Variants in FMN2 observed in about 807,000 individuals in gnomAD.
FMN2 encodes the protein formin 2.
Under a neutral mutation model 142.3 loss-of-function variants are expected in FMN2, and 51 were observed. That is an observed-to-expected ratio of 0.36 (90% confidence interval 0.29 to 0.45). The LOEUF (loss-of-function observed/expected upper bound fraction) is 0.45. Among genes scored for constraint, FMN2 ranks in the 20% least tolerant of loss-of-function variants. FMN2 has a pLI of 1.00. For synonymous variants in FMN2, 882 were observed against 869.8 expected (o/e 1.01, Z -0.25); for missense variants, 1,936 against 2,122.8 (o/e 0.91, Z 1.73).
intron 3 of FMN2, among the ~76,000 whole-genome samples, chr1:240,187,290 A>AG (rs1665514680): frequency 7.0e-6 from 1 of 142,408 alleles, no homozygotes; most frequent in East Asian, 2.0e-4. Flanking sequence ...AAAAAAAAAA[A>AG]AGAAAAGAAA....
chr1:240,114,656 C>CTTTTTT (rs1219188121), intron 1 of FMN2, among the ~76,000 whole-genome samples: 3 of 137,694 alleles, frequency 2.2e-5, no homozygotes, highest in African/African-American at 5.6e-5. Context: ...TATATCATTT[C>CTTTTTT]TTTTTTTTTT....
At chr1:240,210,539 C>G (rs1424755452) in intron 5 of FMN2, among the ~76,000 whole-genome samples, 1 of 152,132 alleles carries the variant, frequency 6.6e-6, no homozygotes, top group African/African-American at 2.4e-5. Context: ...AAGTCATTTT[C>G]TCTAGATATG....
intron 13 of FMN2, among the ~76,000 whole-genome samples, chr1:240,348,991 G>A (rs772994336): frequency 6.6e-6 from 1 of 152,164 alleles, no homozygotes; most frequent in Non-Finnish European, 1.5e-5. Flanking sequence ...TGATTTGATG[G>A]TGCAGACTTA....
At chr1:240,122,379 G>C (rs961003239) in intron 1 of FMN2, among the ~76,000 whole-genome samples, 1 of 152,020 alleles carries the variant, frequency 6.6e-6, no homozygotes, top group Non-Finnish European at 1.5e-5. Flanking sequence ...CGCCACCCAG[G>C]TTCAAGCAAT....
intron 1 of FMN2, among the ~76,000 whole-genome samples, chr1:240,111,825 A>G (rs1270084505): frequency 6.6e-6 from 1 of 152,082 alleles, no homozygotes; most frequent in African/African-American, 2.4e-5. Context: ...CGGGATTGAG[A>G]TCCAGGAAGT....
intron 16 of FMN2, chr1:240,458,542 A>G (rs1481297306): frequency 6.6e-6 from 1 of 152,244 alleles, no homozygotes; most frequent in African/African-American, 2.4e-5. Context: ...CAGAAACTAC[A>G]GTGTTGTTAG....
chr1:240,092,978 C>A lies in FMN2; in HGVS notation c.869C>A (p.Pro290His). The stretch of plus-strand genomic sequence containing the variant: ...AGCCTGGCCGCCGAGCCCCGGGAGC[C>A]CCAGCAACCGCCGTCCCCCGGCGGC... ...PESLAAEPREPQQPPSPGGLP... is the reference protein window; with the variant it reads ...PESLAAEPREHQQPPSPGGLP... Residue 290 changes from proline (P) to histidine (H), a missense_variant, in exon 1 of 18, where the codon CCC becomes CAC. Physicochemically the swap from Pro to His is moderately conservative, Grantham distance 77. This residue lies in a region of FMN2 where 751 missense variants were observed against 791.8 expected (regional missense o/e 0.95). Transcript: ENST00000319653. 1 of 1,408,210 alleles carries A rather than the reference C, an allele frequency of 7.1e-7. No homozygotes were observed. The highest frequency in any genetic ancestry group is 1.5e-5 in the South Asian group (1 of 64,682). 87.2% of individuals were successfully genotyped at this position (1,408,210 alleles called of 1,614,324 possible).
intron 1 of FMN2, among the ~76,000 whole-genome samples, chr1:240,106,219 A>G (rs1661602210): frequency 6.6e-6 from 1 of 152,156 alleles, no homozygotes; most frequent in African/African-American, 2.4e-5. Flanking sequence ...AGACACCTTC[A>G]TATGATCTTC....
rs373539545 is a variant in FMN2, at chr1:240,363,040, A to G, written c.4858+7132A>G. Reference sequence around the variant, plus strand: ...AGAATGATGAAACCTCAGCTCTTAAATATACAGTCTGTAGTATTGGTAATG... The same window carrying G: ...AGAATGATGAAACCTCAGCTCTTAAGTATACAGTCTGTAGTATTGGTAATG... On this transcript the variant is annotated intron_variant, in intron 14 of 17. Transcript: ENST00000319653. 1.2e-4 allele frequency among the ~76,000 whole-genome samples: 18 copies of G among 152,380 alleles called. No homozygotes were observed. The East Asian group carries it at 2.9e-3, about 24-fold the overall frequency.
Position 240,197,174 on chromosome 1 carries a change from A to C in FMN2, c.1986+8912A>C, listed in dbSNP as rs540176681. Among the ~76,000 whole-genome samples, 118 of 152,266 alleles carry C rather than the reference A, an allele frequency of 7.7e-4. 2 individuals are homozygous for C. The South Asian group carries it at 0.023, about 29-fold the overall frequency. ...GTTGGTCACCAGTGCCCAGTGATGTAGTTAATCGCACCTACATCATGAAAC... is the reference window on the plus strand; with the variant it reads ...GTTGGTCACCAGTGCCCAGTGATGTCGTTAATCGCACCTACATCATGAAAC... On this transcript the variant is annotated intron_variant, in intron 4 of 17. Coordinates refer to ENST00000319653, the MANE Select transcript of FMN2 (RefSeq NM_020066.5).
chr1:240,186,993 A>G (rs1446157225), intron 3 of FMN2, among the ~76,000 whole-genome samples: 4 of 151,962 alleles, frequency 2.6e-5, no homozygotes, highest in Non-Finnish European at 4.4e-5. Context: ...CTGGCCGAGC[A>G]CGGTGGCTCA....
chr1:240,292,804 C>T (rs572229525), intron 7 of FMN2, among the ~76,000 whole-genome samples: 26 of 152,088 alleles, frequency 1.7e-4, no homozygotes, highest in Admixed American at 2.6e-4. Flanking sequence ...TATTTCCTGT[C>T]TAGAATTTCT....
intron 2 of FMN2, among the ~76,000 whole-genome samples, chr1:240,154,197 G>A (rs181361182): frequency 7.3e-5 from 11 of 150,572 alleles, no homozygotes; most frequent in East Asian, 2.0e-4. Flanking sequence ...GAGAACGTAC[G>A]TTCTCACTGG....
rs1197589186 is a variant in FMN2, at chr1:240,092,041, C to T, written c.-69C>T. On this transcript the variant is annotated 5_prime_UTR_variant, in exon 1 of 18. Transcript: ENST00000319653. Reference sequence around the variant, plus strand: ...TCCCGGGAGACTCCCTAGGCCCGGACCTGGGGCCGAGGAGGGCCGGGATGG... The same window carrying T: ...TCCCGGGAGACTCCCTAGGCCCGGATCTGGGGCCGAGGAGGGCCGGGATGG... 1.5e-5 allele frequency: 22 copies of T among 1,490,396 alleles called. No homozygotes were observed. Among genetic ancestry groups the T allele is most frequent in the Non-Finnish European group, 1.9e-5 (21 of 1,124,652 alleles). The allele number at this position is 1,490,396 out of a possible 1,614,324, so 92.3% of individuals were successfully genotyped here.
At chr1:240,352,006 A>T (rs1385470780) in intron 13 of FMN2, among the ~76,000 whole-genome samples, 1 of 152,246 alleles carries the variant, frequency 6.6e-6, no homozygotes, top group Non-Finnish European at 1.5e-5. Flanking sequence ...AATAATTGTG[A>T]CCAGTAATGA....
chr1:240,128,979 T>A (rs1662627223), intron 2 of FMN2, among the ~76,000 whole-genome samples: 1 of 152,072 alleles, frequency 6.6e-6, no homozygotes, highest in Non-Finnish European at 1.5e-5. Flanking sequence ...GTTCAAGGGA[T>A]TCACCTGCCT....
chr1:240,330,717 A>C lies in FMN2; in HGVS notation c.4552A>C (p.Ile1518Leu), dbSNP rs764872544. Residue 1518 changes from isoleucine (I) to leucine (L), a missense_variant, in exon 11 of 18, where the codon ATT becomes CTT. Coordinates refer to ENST00000319653, the MANE Select transcript of FMN2 (RefSeq NM_020066.5). ...RGQADGFGLD[I>L]LPKLKDVKSS... ...ACAGGCAGATGGCTTTGGATTAGAC[A>C]TTCTTCCAAAACTGAAAGATGTCAA... is the stretch of plus-strand genomic sequence containing the variant. 1 of 1,614,016 alleles carries C rather than the reference A, an allele frequency of 6.2e-7. No homozygotes were observed. The highest frequency in any genetic ancestry group is 2.2e-5 in the East Asian group (1 of 44,834).
At chr1:240,162,418 C>G (rs148157421) in intron 2 of FMN2, among the ~76,000 whole-genome samples, 205 of 149,146 alleles carry the variant, frequency 1.4e-3, no homozygotes, top group African/African-American at 4.7e-3. Flanking sequence ...GAACCGAGAT[C>G]GCACCACTGC....
chr1:240,341,231 G>T (rs78846669), intron 13 of FMN2, among the ~76,000 whole-genome samples: 1 of 151,608 alleles, frequency 6.6e-6, no homozygotes, highest in African/African-American at 2.4e-5. Context: ...TCTTGTTTTG[G>T]ATATTTATCT....
Sources: allele counts gnomAD v4.1 joint callset (sites outside exome capture counted in the v4.1 genomes callset), GRCh38; gene constraint gnomAD v4.1.1; regional missense constraint gnomAD v4.1.1; transcripts MANE v1.5; gene names NCBI Gene and HGNC (gene_info 2026-07-23, HGNC 2026-07-21).